The following TCF4 variants were observed in gnomAD, a reference collection of about 807,000 sequenced individuals.
TCF4 encodes SL3-3 enhancer factor 2.
Under a neutral mutation model 82.1 loss-of-function variants are expected in TCF4, and 3 were observed. The ratio of observed to expected loss-of-function variants is 0.04; its 90% CI spans 0.02 to 0.09. The LOEUF (loss-of-function observed/expected upper bound fraction) is 0.09. Among genes scored for constraint, TCF4 ranks in the 10% least tolerant of loss-of-function variants. TCF4 has a pLI of 1.00. For synonymous variants in TCF4, 276 were observed against 309.6 expected (o/e 0.89, Z 1.14); for missense variants, 518 against 852.7 (o/e 0.61, Z 4.89).
At chr18:55,232,791 T>A in intron 16 of TCF4, 120 bp from the exon 17 acceptor site, 1 of 1,310,098 alleles carries the variant, frequency 7.6e-7, no homozygotes, top group Non-Finnish European at 1.1e-6. Context: ...GTCACTTTTT[T>A]TTCCCCCTGC....
chr18:55,227,977 C>A lies in TCF4; in HGVS notation c.*58G>T. 2.0e-6 allele frequency: 1 copy of A among 489,416 alleles called. No homozygotes were observed. Among genetic ancestry groups the A allele is most frequent in the East Asian group, 3.9e-5 (1 of 25,512 alleles). The allele number at this position is 489,416 out of a possible 1,614,324, so 30.3% of individuals were successfully genotyped here. A position where few individuals can be genotyped will look rare whatever the true frequency, so the allele number is the denominator to read the frequency against. On this transcript the variant is annotated 3_prime_UTR_variant, in exon 20 of 20. Coordinates refer to ENST00000354452, the MANE Select transcript of TCF4 (RefSeq NM_001083962.2). Reference sequence around the variant, plus strand: ...GTGTTTATGTGGGTTTAAGATAATACAGCTGTTAAGGAAGTGGTCTCTTGT... The same window carrying A: ...GTGTTTATGTGGGTTTAAGATAATAAAGCTGTTAAGGAAGTGGTCTCTTGT...
intron 3 of TCF4, among the ~76,000 whole-genome samples, chr18:55,576,195 A>AT (rs200934520): frequency 0.03 from 4,548 of 152,292 alleles, 86 homozygotes; most frequent in Non-Finnish European, 0.045. Context: ...ACCAGCAAAC[A>AT]TTGCAAAAGA....
intron 3 of TCF4, among the ~76,000 whole-genome samples, chr18:55,556,263 G>T (rs2097303673): frequency 6.6e-6 from 1 of 151,638 alleles, no homozygotes; most frequent in Non-Finnish European, 1.5e-5. Flanking sequence ...CACATCCCCT[G>T]CTCAAGAGCA....
intron 6 of TCF4, chr18:55,384,219 C>T (rs2092358427): frequency 6.6e-6 from 1 of 152,246 alleles, no homozygotes; most frequent in African/African-American, 2.4e-5. Context: ...GTTGTGTTCA[C>T]TCAAACTGAA....
At chr18:55,533,646 A>C (rs1212971508) in intron 3 of TCF4, among the ~76,000 whole-genome samples, 1 of 152,212 alleles carries the variant, frequency 6.6e-6, no homozygotes, top group Non-Finnish European at 1.5e-5. Context: ...ATTTAGTGAA[A>C]ATGTAACTGT....
chr18:55,308,622 C>T (rs2071188819), intron 8 of TCF4, among the ~76,000 whole-genome samples: 1 of 152,196 alleles, frequency 6.6e-6, no homozygotes, highest in Non-Finnish European at 1.5e-5. Context: ...GACATGGTCC[C>T]TTCTGGAGGG....
intron 3 of TCF4, chr18:55,510,722 C>G: frequency 1.4e-6 from 2 of 1,407,550 alleles, no homozygotes; most frequent in Non-Finnish European, 1.8e-6. Context: ...TTTAAGGGGC[C>G]TTCCTTGTTA....
chr18:55,254,088 G>A (rs1431524238), intron 15 of TCF4, among the ~76,000 whole-genome samples: 1 of 152,128 alleles, frequency 6.6e-6, no homozygotes, highest in African/African-American at 2.4e-5. Flanking sequence ...TAGAAAAACT[G>A]CAACAGTCAT....
intron 6 of TCF4, among the ~76,000 whole-genome samples, chr18:55,368,419 G>A (rs1660241): frequency 0.32 from 48,610 of 151,912 alleles, 8,049 homozygotes; most frequent in East Asian, 0.57. Flanking sequence ...AAAAAGTCAT[G>A]AGAGTTATAG....
intron 5 of TCF4, among the ~76,000 whole-genome samples, chr18:55,424,066 G>GT (rs1434527898): frequency 1.3e-5 from 2 of 152,110 alleles, no homozygotes; most frequent in African/African-American, 4.8e-5. Flanking sequence ...ATTTTTAAGG[G>GT]TGACTGCTTG....
At position 55,321,797 on chromosome 18, in the gene TCF4, T is replaced by C; in HGVS notation, c.549+28562A>G. ...CTAACAACTTTTATTTCAAACTCGC[T>C]GTCCCTTTTTTCACAACAATTCCTT... On this transcript the variant is annotated intron_variant, in intron 8 of 19. Coordinates refer to ENST00000354452, the MANE Select transcript of TCF4 (RefSeq NM_001083962.2). The C allele has an allele frequency of 4.0e-6, 6 of 1,511,892 alleles. No homozygotes were observed. The South Asian group carries it at 7.3e-5, about 18-fold the overall frequency. The allele number at this position is 1,511,892 out of a possible 1,614,324, so 93.7% of individuals were successfully genotyped here.
chr18:55,606,523 G>C (rs940843530), intron 2 of TCF4, among the ~76,000 whole-genome samples: 1 of 152,168 alleles, frequency 6.6e-6, no homozygotes, highest in African/African-American at 2.4e-5. Context: ...TTTTGTGAAA[G>C]TAATAATATG....
At chr18:55,622,022 C>T (rs1181061216) in intron 2 of TCF4, among the ~76,000 whole-genome samples, 1 of 129,404 alleles carries the variant, frequency 7.7e-6, no homozygotes, top group Admixed American at 9.2e-5. Context: ...ATATTATATA[C>T]ACTATATATT....
At chr18:55,461,200 C>A (rs2095862364) in intron 4 of TCF4, 85 bp from the exon 5 acceptor site, 2 of 1,152,908 alleles carry the variant, frequency 1.7e-6, no homozygotes, top group Non-Finnish European at 1.3e-6. Context: ...CAAAACTTCT[C>A]CCCTCCAAAG....
At position 55,425,954 on chromosome 18, in the gene TCF4, T is replaced by C. The variant is rs150169253; in HGVS notation, c.305-22436A>G. Among the ~76,000 whole-genome samples, 197 of 152,252 alleles carry C rather than the reference T, an allele frequency of 1.3e-3. 1 individual carries two copies. Among genetic ancestry groups the C allele is most frequent in the African/African-American group, 4.3e-3 (180 of 41,510 alleles). Reference sequence around the variant, plus strand: ...CAGGAAGATGGGAAATGCCTAGTGCTCTACTTTATTCTTGGAGATTTGTTT... The same window carrying C: ...CAGGAAGATGGGAAATGCCTAGTGCCCTACTTTATTCTTGGAGATTTGTTT... On this transcript the variant is annotated intron_variant, in intron 5 of 19. Transcript: ENST00000354452.
intron 15 of TCF4, among the ~76,000 whole-genome samples, chr18:55,238,213 TAAC>T (rs1490477201): frequency 1.3e-5 from 2 of 152,254 alleles, no homozygotes; most frequent in East Asian, 1.9e-4. Flanking sequence ...TTCATAGAGA[TAAC>T]AATAGTCTAA....
chr18:55,466,978 T>C (rs938545564), intron 3 of TCF4, among the ~76,000 whole-genome samples: 2 of 152,178 alleles, frequency 1.3e-5, no homozygotes, highest in African/African-American at 2.4e-5. Context: ...CTTCCTGACC[T>C]CACGCTGCTG....
rs576073647 is a variant in TCF4, at chr18:55,537,167, T to G, written c.145+48113A>C. Among the ~76,000 whole-genome samples, 4 of 151,012 alleles carry G rather than the reference T, an allele frequency of 2.6e-5. No individual in the cohort carries two copies. In the South Asian group the frequency reaches 8.4e-4, roughly 32 times the overall value. On this transcript the variant is annotated intron_variant, in intron 3 of 19. Transcript: ENST00000354452. ...AAAAAAAAAAAAAGTACTTGCAGTT[T>G]CCAACTGGAAAGGCTTTACAAAAAA...
At chr18:55,623,738 T>C (rs2147991913) in intron 2 of TCF4, among the ~76,000 whole-genome samples, 1 of 152,290 alleles carries the variant, frequency 6.6e-6, no homozygotes, top group East Asian at 1.9e-4. Flanking sequence ...ACATGGGGAT[T>C]TAGCTATGTG....
Sources: gnomAD v4.1 joint callset for allele counts (sites outside exome capture counted in the v4.1 genomes callset) on GRCh38, gnomAD v4.1.1 for gene constraint, MANE v1.5 for transcripts, NCBI Gene and HGNC (gene_info 2026-07-23, HGNC 2026-07-21) for gene names.